The following ZC3H12B variants were observed in gnomAD, a reference collection of about 807,000 sequenced individuals.
ZC3H12B encodes the protein probable ribonuclease ZC3H12B.
ZC3H12B carries 7 observed loss-of-function variants against 43.9 expected under a neutral mutation model. The observed-to-expected ratio is 0.16, with a 90% CI of 0.09 to 0.30. The LOEUF is 0.30. ZC3H12B is among the 10% of genes least tolerant of loss of function. The probability of loss-of-function intolerance (pLI) is 1.00; values close to 1 mark genes in which losing one functional copy is unlikely to be tolerated. For missense variants in ZC3H12B, 475 were observed against 670.2 expected (o/e 0.71, Z 3.22); for synonymous variants, 222 against 241.7 (o/e 0.92, Z 0.76).
At chrX:65,406,702 C>T (rs1406844241) in intron 3 of ZC3H12B, among the ~76,000 whole-genome samples, 1 of 111,165 alleles carries the variant, frequency 9.0e-6, no homozygotes, top group Non-Finnish European at 1.9e-5. Context: ...GCCAGAGGCG[C>T]GGGCGGCGGC....
At chrX:65,382,567 A>G (rs753038109) in intron 2 of ZC3H12B, among the ~76,000 whole-genome samples, 1 of 110,801 alleles carries the variant, frequency 9.0e-6, no homozygotes, top group African/African-American at 3.3e-5. Flanking sequence ...CTCTCTCACC[A>G]CTCCTATTCA....
chrX:65,167,988 C>T, the ZC3H12B span, among the ~76,000 whole-genome samples: 1 of 111,800 alleles, frequency 8.9e-6, no homozygotes, highest in Non-Finnish European at 1.9e-5. Context: ...CAACAAGGGA[C>T]AATTTGACTT....
chrX:65,253,627 T>G, the ZC3H12B span, among the ~76,000 whole-genome samples: 3 of 104,773 alleles, frequency 2.9e-5, no homozygotes, highest in East Asian at 5.6e-4. Flanking sequence ...TTCTACCTGA[T>G]AGCCCCCCTG....
At chrX:65,431,044 G>A (rs1190533580) in intron 3 of ZC3H12B, among the ~76,000 whole-genome samples, 1 of 112,337 alleles carries the variant, frequency 8.9e-6, no homozygotes. Context: ...GTTTTATCAA[G>A]CCAGCTACTT....
At chrX:65,216,417 G>A in the ZC3H12B span, among the ~76,000 whole-genome samples, 1 of 111,221 alleles carries the variant, frequency 9.0e-6, no homozygotes, top group African/African-American at 3.3e-5. Flanking sequence ...CATGGAGGGA[G>A]CATTTATAAC....
the ZC3H12B span, among the ~76,000 whole-genome samples, chrX:65,192,433 A>G: frequency 9.0e-6 from 1 of 111,273 alleles, no homozygotes; most frequent in African/African-American, 3.3e-5. Context: ...CATGTTTTAG[A>G]TCTTAGATAA....
the ZC3H12B span, among the ~76,000 whole-genome samples, chrX:65,310,676 A>C: frequency 9.0e-6 from 1 of 111,685 alleles, no homozygotes; most frequent in African/African-American, 3.3e-5. Context: ...CAAAAGAGAG[A>C]CCACATAGCC....
chrX:65,228,213 G>T, the ZC3H12B span, among the ~76,000 whole-genome samples: 3 of 111,968 alleles, frequency 2.7e-5, no homozygotes, highest in South Asian at 7.4e-4. Flanking sequence ...TCCCTGGGAT[G>T]CAAGGCTGGT....
chrX:65,269,101 C>T, the ZC3H12B span, among the ~76,000 whole-genome samples: 69 of 111,516 alleles, frequency 6.2e-4, no homozygotes, highest in South Asian at 7.6e-3. Context: ...AATCCCAGCA[C>T]TTTGGGAGGC....
chrX:65,229,163 A>T, the ZC3H12B span, among the ~76,000 whole-genome samples: 1 of 111,034 alleles, frequency 9.0e-6, no homozygotes, highest in African/African-American at 3.3e-5. Context: ...CCAAAACAGC[A>T]TGGTACTGGT....
At chrX:65,482,681 T>C (rs1344912800) in intron 3 of ZC3H12B, among the ~76,000 whole-genome samples, 1 of 112,241 alleles carries the variant, frequency 8.9e-6, no homozygotes, top group East Asian at 2.8e-4. Context: ...AAATTGAGGT[T>C]ACATTTAACA....
At chrX:65,249,612 G>T in the ZC3H12B span, among the ~76,000 whole-genome samples, 3 of 111,126 alleles carry the variant, frequency 2.7e-5, no homozygotes, top group African/African-American at 9.8e-5. Flanking sequence ...ATATTTTGAT[G>T]GGAATTGTGT....
the ZC3H12B span, among the ~76,000 whole-genome samples, chrX:65,228,923 G>T: frequency 8.9e-6 from 1 of 111,761 alleles, no homozygotes; most frequent in Non-Finnish European, 1.9e-5. Flanking sequence ...GCTCATGGGT[G>T]GGAAGAATAA....
chrX:65,132,429 A>G, the ZC3H12B span, among the ~76,000 whole-genome samples: 1 of 109,779 alleles, frequency 9.1e-6, no homozygotes, highest in Non-Finnish European at 1.9e-5. Context: ...ATTAGGTTTT[A>G]ATAGGATGGT....
In ZC3H12B at chrX:65,374,959, G is replaced by C. The variant is rs549299278; in HGVS notation, n.295+5961G>C. Among the ~76,000 whole-genome samples, 6 of 111,462 alleles carry C rather than the reference G, an allele frequency of 5.4e-5. No homozygotes were observed. The South Asian group carries it at 2.3e-3, about 43-fold the overall frequency. Reference sequence around the variant, plus strand: ...AGGTCCTTCCCATGACACATGGGGAGTATGGGAACTACAATTCAAGATGAG... The same window carrying C: ...AGGTCCTTCCCATGACACATGGGGACTATGGGAACTACAATTCAAGATGAG... On this transcript the variant is annotated intron_variant and non_coding_transcript_variant, in intron 2 of 5. Transcript: ENST00000617377.
At chrX:65,113,565 TA>T in the ZC3H12B span, among the ~76,000 whole-genome samples, 108 of 100,461 alleles carry the variant, frequency 1.1e-3, no homozygotes, top group East Asian at 1.3e-3. Context: ...CCTTGTTTTA[TA>T]AAAAAAAAAA....
At chrX:65,205,268 C>T in the ZC3H12B span, among the ~76,000 whole-genome samples, 2 of 111,457 alleles carry the variant, frequency 1.8e-5, no homozygotes, top group African/African-American at 3.3e-5. Context: ...TTGTCATTGT[C>T]ATTAAACCCA....
chrX:65,240,125 G>C, the ZC3H12B span, among the ~76,000 whole-genome samples: 1 of 111,603 alleles, frequency 9.0e-6, no homozygotes, highest in Non-Finnish European at 1.9e-5. Flanking sequence ...GGCACCTCTT[G>C]TTAGGTTTTG....
At chrX:65,357,282 A>G in the ZC3H12B span, 2 of 304,411 alleles carry the variant, frequency 6.6e-6, no homozygotes. Context: ...CTGTTCAATC[A>G]CTATAAGAGT....
Sources: allele counts gnomAD v4.1 joint callset (sites outside exome capture counted in the v4.1 genomes callset), GRCh38; gene constraint gnomAD v4.1.1; transcripts MANE v1.5; gene names NCBI Gene and HGNC (gene_info 2026-07-23, HGNC 2026-07-21).